RALGAPB: variants seen among roughly 807,000 people sequenced by gnomAD.
The protein encoded by RALGAPB is ral GTPase-activating protein subunit beta.
A neutral mutation model predicts 161.1 loss-of-function variants in RALGAPB; 25 were observed. That is an observed-to-expected ratio of 0.16 (90% CI 0.11 to 0.22). The LOEUF (loss-of-function observed/expected upper bound fraction) is 0.22. Among genes scored for constraint, RALGAPB ranks in the 10% least tolerant of loss-of-function variants. The pLI is 1.00. For missense variants in RALGAPB, 1,391 were observed against 1,815.2 expected, an observed-to-expected ratio of 0.77 and a Z score of 4.25; for synonymous variants, 629 against 626.1, an observed-to-expected ratio of 1.00 and a Z score of -0.07.
At chr20:38,508,835 G>C (rs2085847839) in intron 5 of RALGAPB, among the ~76,000 whole-genome samples, 1 of 151,922 alleles carries the variant, frequency 6.6e-6, no homozygotes, top group Non-Finnish European at 1.5e-5. Flanking sequence ...ATGATGTTTT[G>C]ATATATATAT....
chr20:38,558,390 A>G lies in RALGAPB; in HGVS notation c.3468A>G (p.Pro1156=). Reference sequence around the variant, plus strand: ...ACATTGGGTATCTGGATCTCTTGCCATGTCGTCCTTTTGACACAGTTTTTA... The same window carrying G: ...ACATTGGGTATCTGGATCTCTTGCCGTGTCGTCCTTTTGACACAGTTTTTA... ...FDDIGYLDLL[P]CRPFDTVFIF... is the part of the protein sequence containing the mutation. The change falls in exon 23 of 30, where the codon CCA becomes CCG. Residue 1156 remains proline (P), a synonymous_variant. Transcript: ENST00000262879. The G allele has an allele frequency of 6.2e-7, 1 of 1,607,812 alleles. No individual in the cohort carries two copies. The highest frequency in any genetic ancestry group is 8.5e-7 in the Non-Finnish European group (1 of 1,176,146).
At position 38,567,183 on chromosome 20, in the gene RALGAPB, C is replaced by T; in HGVS notation, c.3905C>T (p.Thr1302Ile). The change falls in exon 26 of 30, where the codon ACA becomes ATA. Residue 1302 changes from threonine (T) to isoleucine (I), a missense_variant. Physicochemically the swap from Thr to Ile is moderately conservative, Grantham distance 89. Around this residue, in one of 3 missense-constraint regions of RALGAPB, gnomAD observed 436 missense variants for 527.0 expected, o/e 0.83. Transcript: ENST00000262879. ...MPGILKQPSL[T>I]LELFPNHTDN... ...GGAATTCTGAAACAGCCATCCCTGA[C>T]ACTTGAGCTTTTCCCCAATCATACA... The T allele has an allele frequency of 6.2e-7, 1 of 1,613,732 alleles. No individual in the cohort carries two copies. Among genetic ancestry groups the T allele is most frequent in the Non-Finnish European group, 8.5e-7 (1 of 1,179,736 alleles).
intron 22 of RALGAPB, among the ~76,000 whole-genome samples, chr20:38,557,918 C>T (rs1305428741): frequency 6.6e-6 from 1 of 152,164 alleles, no homozygotes; most frequent in Non-Finnish European, 1.5e-5. Flanking sequence ...CATGGTAAGA[C>T]TGTGTTTGGC....
At chr20:38,484,127 A>T (rs2085051160) in intron 1 of RALGAPB, among the ~76,000 whole-genome samples, 1 of 152,136 alleles carries the variant, frequency 6.6e-6, no homozygotes. Flanking sequence ...ACAGTGAGCC[A>T]AGATGGCGCT....
rs1415708480 is a variant in RALGAPB at position 38,576,652 on chromosome 20, T to C, written c.*1685T>C. 1 of 152,414 alleles carries C rather than the reference T, an allele frequency of 6.6e-6. No homozygotes were observed. The highest frequency in any genetic ancestry group is 2.4e-5 in the African/African-American group (1 of 41,434). 9.4% of individuals were successfully genotyped at this position (152,414 alleles called of 1,614,324 possible). ...AAATTGATGTTTCCAGATGGTAACA[T>C]GGGAGAGGGCATATAGGATAAAGAT... On this transcript the variant is annotated 3_prime_UTR_variant, in exon 30 of 30. Transcript: ENST00000262879.
At position 38,515,546 on chromosome 20, in the gene RALGAPB, G is replaced by A. The variant is rs574495069; in HGVS notation, c.873-646G>A. Among the ~76,000 whole-genome samples the A allele has an allele frequency of 3.3e-5, 5 of 152,064 alleles. No individual in the cohort carries two copies. The South Asian group carries it at 8.3e-4, about 25-fold the overall frequency. ...AATGTAATTCAAACACAAATACACC[G>A]TTTTGAAATTTATGGCTTTAGTACA... On this transcript the variant is annotated intron_variant, in intron 6 of 29. Transcript: ENST00000262879.
At chr20:38,539,403 T>G (rs918376583) in intron 16 of RALGAPB, among the ~76,000 whole-genome samples, 1 of 152,192 alleles carries the variant, frequency 6.6e-6, no homozygotes, top group Non-Finnish European at 1.5e-5. Context: ...CAATTATGCC[T>G]CTGAGCAGCT....
intron 1 of RALGAPB, among the ~76,000 whole-genome samples, chr20:38,480,251 A>G (rs2084926812): frequency 6.6e-6 from 1 of 150,888 alleles, no homozygotes; most frequent in Admixed American, 6.6e-5. Context: ...GTCACTGCTT[A>G]CCTTTGAAAC....
intron 1 of RALGAPB, among the ~76,000 whole-genome samples, chr20:38,477,477 T>C (rs1307984412): frequency 6.6e-6 from 1 of 152,160 alleles, no homozygotes; most frequent in Non-Finnish European, 1.5e-5. Context: ...AGGTGTTTGA[T>C]AGGATCTCTA....
intron 25 of RALGAPB, 126 bp downstream of exon 25, chr20:38,565,604 A>T: frequency 8.4e-7 from 1 of 1,195,856 alleles, no homozygotes; most frequent in Non-Finnish European, 1.1e-6. Flanking sequence ...AGGCATTATA[A>T]CAATATGCAG....
intron 19 of RALGAPB, among the ~76,000 whole-genome samples, 156 bp from the exon 20 acceptor site, chr20:38,548,533 G>A (rs1344091608): frequency 1.3e-5 from 2 of 152,224 alleles, no homozygotes; most frequent in African/African-American, 4.8e-5. Context: ...ACACGGGTAT[G>A]GGTACGGCAG....
intron 1 of RALGAPB, among the ~76,000 whole-genome samples, chr20:38,474,777 A>G (rs1020353765): frequency 2.6e-5 from 4 of 152,172 alleles, no homozygotes; most frequent in African/African-American, 9.6e-5. Flanking sequence ...GGCAGGGACT[A>G]TGTTTTCTTC....
intron 21 of RALGAPB, 71 bp from the exon 22 acceptor site, chr20:38,553,796 A>G: frequency 1.1e-6 from 1 of 905,060 alleles, no homozygotes; most frequent in Non-Finnish European, 1.6e-6. Flanking sequence ...AAAAAAAAAA[A>G]AAAAACACTT....
At chr20:38,506,585 C>T (rs574250074) in intron 5 of RALGAPB, among the ~76,000 whole-genome samples, 5 of 152,326 alleles carry the variant, frequency 3.3e-5, no homozygotes, top group African/African-American at 9.6e-5. Context: ...TGAGTGACCA[C>T]GCCTGGCCTA....
chr20:38,534,560 T>C (rs2086747880), intron 15 of RALGAPB, among the ~76,000 whole-genome samples: 1 of 152,220 alleles, frequency 6.6e-6, no homozygotes, highest in Non-Finnish European at 1.5e-5. Context: ...ATTAAAGTAA[T>C]CCTGGAGAAT....
chr20:38,511,972 C>T (rs1221330848), intron 6 of RALGAPB, among the ~76,000 whole-genome samples: 5 of 152,182 alleles, frequency 3.3e-5, no homozygotes, highest in Admixed American at 6.5e-5. Flanking sequence ...CCCCACCTCC[C>T]GGACGGGGCA....
chr20:38,480,321 C>CTT (rs11476061), intron 1 of RALGAPB, among the ~76,000 whole-genome samples: 6 of 139,046 alleles, frequency 4.3e-5, no homozygotes, highest in Admixed American at 1.4e-4. Flanking sequence ...GTTTCTAGTG[C>CTT]TTTTTTTTTT....
At chr20:38,506,212 T>C (rs1402310124) in intron 5 of RALGAPB, among the ~76,000 whole-genome samples, 1 of 152,186 alleles carries the variant, frequency 6.6e-6, no homozygotes, top group Non-Finnish European at 1.5e-5. Context: ...GGCTTGAGCA[T>C]CCGTGGATTT....
At chr20:38,551,444 G>A (rs914030923) in intron 21 of RALGAPB, among the ~76,000 whole-genome samples, 6 of 152,148 alleles carry the variant, frequency 3.9e-5, no homozygotes, top group African/African-American at 7.2e-5. Context: ...CTGGCTGTTC[G>A]TGGTAGGTTT....
Sources: allele counts gnomAD v4.1 joint callset (sites outside exome capture counted in the v4.1 genomes callset), GRCh38; gene constraint gnomAD v4.1.1; regional missense constraint gnomAD v4.1.1; transcripts MANE v1.5; gene names NCBI Gene and HGNC (gene_info 2026-07-23, HGNC 2026-07-21).